Variants in MBLAC2 observed in about 807,000 individuals in gnomAD.
The protein encoded by MBLAC2 is acyl-coenzyme A thioesterase MBLAC2.
Under a neutral mutation model 23.3 loss-of-function variants are expected in MBLAC2, and 24 were observed. That is an observed-to-expected ratio of 1.03 (90% CI 0.75 to 1.45). MBLAC2 has a LOEUF of 1.45. Ranked by LOEUF, MBLAC2 falls within the 40% of genes most tolerant of loss-of-function variation. The probability of loss-of-function intolerance (pLI) is 0.00; values close to 1 mark genes in which losing one functional copy is unlikely to be tolerated. For missense variants in MBLAC2, 358 were observed against 370.0 expected, an observed-to-expected ratio of 0.97 and a Z score of 0.27; for synonymous variants, 162 against 150.9, an observed-to-expected ratio of 1.07 and a Z score of -0.54.
In MBLAC2 at chr5:90,461,455, A is replaced by G; in HGVS notation, c.552T>C (p.Ile184=). Residue 184 remains isoleucine (I), a synonymous_variant, in exon 2 of 2, where the codon ATT becomes ATC. Transcript: ENST00000316610. ...CATACACGACGTCTCCACTGAAGAG[A>G]ATCTTTCGGTCTTTGTCATGTAAGC... The part of the protein sequence containing the change: ...SICLHDKDRK[I]LFSGDVVYDG... 6.2e-7 allele frequency: 1 copy of G among 1,614,118 alleles called. No individual in the cohort carries two copies. The highest frequency in any genetic ancestry group is 8.5e-7 in the Non-Finnish European group (1 of 1,180,016).
chr5:90,461,309 T>G lies in MBLAC2; in HGVS notation c.698A>C (p.Asn233Thr). 1 of 1,614,172 alleles carries G rather than the reference T, an allele frequency of 6.2e-7. No individual in the cohort carries two copies. Residue 233 changes from asparagine (N) to threonine (T), a missense_variant, in exon 2 of 2, where the codon AAT (asparagine) becomes ACT (threonine). By Grantham distance (65) the Asn-to-Thr change is moderately conservative (BLOSUM62 0). Transcript: ENST00000316610. ...AAAAAGCCTTTCAGCACCAAAGGTATTGAAGTGCCCAGGAAGCACCTTCTC... is the reference window on the plus strand; with the variant it reads ...AAAAAGCCTTTCAGCACCAAAGGTAGTGAAGTGCCCAGGAAGCACCTTCTC... ...LVEKVLPGHFNTFGAERLFRL... is the reference protein window; with the variant it reads ...LVEKVLPGHFTTFGAERLFRL...
At chr5:90,473,524 T>A (rs1750607443) in intron 1 of MBLAC2, 1 of 592,462 alleles carries the variant, frequency 1.7e-6, no homozygotes, top group Non-Finnish European at 3.0e-6. Flanking sequence ...AAATCCCTAG[T>A]CAGTCACAAG....
chr5:90,468,024 A>G (rs1240208997), intron 1 of MBLAC2, among the ~76,000 whole-genome samples: 4 of 152,342 alleles, frequency 2.6e-5, no homozygotes, highest in Middle Eastern at 3.4e-3. Flanking sequence ...TAAGAAGGCT[A>G]AAAATAGGAC....
At position 90,474,482 on chromosome 5, in the gene MBLAC2, T is replaced by C. The variant is rs1269201519; in HGVS notation, c.-190A>G. The C allele has an allele frequency of 1.7e-6, 1 of 594,142 alleles. No homozygotes were observed. The highest frequency in any genetic ancestry group is 2.1e-5 in the South Asian group (1 of 48,442). The allele number at this position is 594,142 out of a possible 1,614,324, so 36.8% of individuals were successfully genotyped here. A position where few individuals can be genotyped will look rare whatever the true frequency, so the allele number is the denominator to read the frequency against. On this transcript the variant is annotated 5_prime_UTR_variant, in exon 1 of 2. Transcript: ENST00000316610. ...GAAGGACGCAGACCGACGCTGCCCG[T>C]AGCGTGCGCTCCCGCACCCTTCCGC...
intron 1 of MBLAC2, among the ~76,000 whole-genome samples, chr5:90,463,551 AAAC>A (rs1222163171): frequency 1.3e-5 from 2 of 152,370 alleles, no homozygotes; most frequent in Admixed American, 6.5e-5. Context: ...GAATGAATGA[AAAC>A]AAAATCAAAA....
At position 90,458,354 on chromosome 5, in the gene MBLAC2, T is replaced by TG. The variant is rs914034045; in HGVS notation, c.*2812_*2813insC. ...ACTATATCAGGATAACACACAAGGT[T>TG]TTTGTTTGTTTTAGGCTTCTCAGTT... On this transcript the variant is annotated 3_prime_UTR_variant, in exon 2 of 2. Transcript: ENST00000316610. 2 of 152,088 alleles carry TG rather than the reference T, an allele frequency of 1.3e-5. No homozygotes were observed. Among genetic ancestry groups the TG allele is most frequent in the African/African-American group, 4.8e-5 (2 of 41,424 alleles). The allele number at this position is 152,088 out of a possible 1,614,324, so 9.4% of individuals were successfully genotyped here.
chr5:90,460,692 A>T lies in MBLAC2; in HGVS notation c.*475T>A, dbSNP rs534125187. On this transcript the variant is annotated 3_prime_UTR_variant, in exon 2 of 2. Coordinates refer to ENST00000316610, the MANE Select transcript of MBLAC2 (RefSeq NM_203406.2). ...ATAACAATGGAATGTTTTAGTTGTCATTCTCAATGTTACTTTATATGTCTG... is the reference window on the plus strand; with the variant it reads ...ATAACAATGGAATGTTTTAGTTGTCTTTCTCAATGTTACTTTATATGTCTG... 2 of 152,666 alleles carry T rather than the reference A, an allele frequency of 1.3e-5. No homozygotes were observed. Among genetic ancestry groups the T allele is most frequent in the East Asian group, 3.9e-4 (2 of 5,190 alleles). 9.5% of individuals were successfully genotyped at this position (152,666 alleles called of 1,614,324 possible). A position where few individuals can be genotyped will look rare whatever the true frequency, so the allele number is the denominator to read the frequency against.
At chr5:90,468,687 A>G (rs1750492898) in intron 1 of MBLAC2, among the ~76,000 whole-genome samples, 1 of 152,154 alleles carries the variant, frequency 6.6e-6, no homozygotes, top group African/African-American at 2.4e-5. Context: ...CCACAAAACA[A>G]GACTCAGTAA....
chr5:90,461,192 AC>A lies in MBLAC2; in HGVS notation c.814del (p.Val272Ter). ...MRSLASLALR[V>X]TNSRTSP ...CTAGGGCGAGGTCCTAGAATTTGTT[AC>A]ACGTAGAGCTAAACTTGCAAGAGAT... On this transcript the variant is annotated frameshift_variant, in exon 2 of 2. Coordinates refer to ENST00000316610, the MANE Select transcript of MBLAC2 (RefSeq NM_203406.2). LOFTEE classifies it high-confidence loss of function. 6.2e-7 allele frequency: 1 copy of A among 1,605,874 alleles called. No individual in the cohort carries two copies. Among genetic ancestry groups the A allele is most frequent in the Non-Finnish European group, 8.5e-7 (1 of 1,177,286 alleles).
intron 1 of MBLAC2, among the ~76,000 whole-genome samples, chr5:90,461,788 A>G (rs1335612607): frequency 6.6e-6 from 1 of 152,236 alleles, no homozygotes; most frequent in African/African-American, 2.4e-5. Context: ...ACAGGCTATC[A>G]TGATACATAA....
At chr5:90,468,605 A>G (rs1385537563) in intron 1 of MBLAC2, among the ~76,000 whole-genome samples, 1 of 152,074 alleles carries the variant, frequency 6.6e-6, no homozygotes, top group African/African-American at 2.4e-5. Context: ...CATATCTTGT[A>G]TCATGTTTTT....
At chr5:90,467,099 T>C (rs1327627147) in intron 1 of MBLAC2, among the ~76,000 whole-genome samples, 1 of 152,170 alleles carries the variant, frequency 6.6e-6, no homozygotes, top group Non-Finnish European at 1.5e-5. Context: ...ACCATTGCAC[T>C]TCAGCCTGGG....
intron 1 of MBLAC2, among the ~76,000 whole-genome samples, chr5:90,469,141 T>C (rs1750502745): frequency 6.6e-6 from 1 of 152,160 alleles, no homozygotes. Context: ...AATTTTTGTA[T>C]TTTTAGTAGA....
intron 1 of MBLAC2, among the ~76,000 whole-genome samples, chr5:90,468,253 G>T (rs1045984642): frequency 6.6e-6 from 1 of 152,046 alleles, no homozygotes; most frequent in Non-Finnish European, 1.5e-5. Flanking sequence ...AGCAAGGCTG[G>T]GTAAGTTTTC....
Position 90,461,544 on chromosome 5 carries a change from T to A in MBLAC2, c.463A>T (p.Ile155Phe). 6.2e-7 allele frequency: 1 copy of A among 1,607,726 alleles called. No individual in the cohort carries two copies. The highest frequency in any genetic ancestry group is 2.2e-5 in the East Asian group (1 of 44,848). ...GTGAGCTGTCTGTCACCAAGGTTGA[T>A]CACATCCCCTACAAATGGAAACAGA... ...PTLILQDGDV[I>F]NLGDRQLTVM... The change falls in exon 2 of 2, where the codon ATC becomes TTC. Residue 155 changes from isoleucine to phenylalanine, a missense_variant. Ile to Phe is a conservative substitution (Grantham distance 21, BLOSUM62 0). Transcript: ENST00000316610.
Position 90,461,147 on chromosome 5 carries a change from A to G in MBLAC2, c.*20T>C. 6.6e-7 allele frequency: 1 copy of G among 1,509,846 alleles called. No homozygotes were observed. The highest frequency in any genetic ancestry group is 8.8e-7 in the Non-Finnish European group (1 of 1,133,162). 93.5% of individuals were successfully genotyped at this position (1,509,846 alleles called of 1,614,324 possible). ...GAATTAATGTATATAATTAATCAAA[A>G]TATATTATCAGTATAGATACTAGGG... On this transcript the variant is annotated 3_prime_UTR_variant, in exon 2 of 2. Coordinates refer to ENST00000316610, the MANE Select transcript of MBLAC2 (RefSeq NM_203406.2).
intron 1 of MBLAC2, among the ~76,000 whole-genome samples, chr5:90,470,752 G>GCA (rs1355342232): frequency 5.4e-5 from 3 of 55,280 alleles, no homozygotes; most frequent in African/African-American, 7.7e-5. Flanking sequence ...AAACTAGCGC[G>GCA]CGCGCACACA....
At chr5:90,472,768 A>G (rs1750581203) in intron 1 of MBLAC2, 1 of 152,240 alleles carries the variant, frequency 6.6e-6, no homozygotes, top group African/African-American at 2.4e-5. Context: ...CAAAATCATC[A>G]TATATTTATG....
chr5:90,471,844 G>C (rs1234029022), intron 1 of MBLAC2: 4 of 152,226 alleles, frequency 2.6e-5, no homozygotes, highest in Admixed American at 2.6e-4. Flanking sequence ...GACACTACCT[G>C]AGAGGGTGGG....
Sources: gnomAD v4.1 joint callset for allele counts (sites outside exome capture counted in the v4.1 genomes callset) on GRCh38, gnomAD v4.1.1 for gene constraint, MANE v1.5 for transcripts, NCBI Gene and HGNC (gene_info 2026-07-23, HGNC 2026-07-21) for gene names.